Variants in ST8SIA6 observed in about 807,000 individuals in gnomAD.
ST8SIA6 encodes alpha-2,8-sialyltransferase 8F.
In ST8SIA6, 39 loss-of-function variants were observed where a neutral mutation model predicts 33.6. That is an observed-to-expected ratio of 1.16 (90% CI 0.90 to 1.52). ST8SIA6 has a LOEUF of 1.52. ST8SIA6 is among the 40% of genes most tolerant of loss of function. The pLI is 0.00. For missense variants in ST8SIA6, 441 were observed against 443.8 expected (o/e 0.99, Z 0.06); for synonymous variants, 172 against 167.2 (o/e 1.03, Z -0.22).
chr10:17,451,244 T>TA (rs1852899253), intron 2 of ST8SIA6, among the ~76,000 whole-genome samples: 2 of 151,972 alleles, frequency 1.3e-5, no homozygotes, highest in Admixed American at 6.6e-5. Flanking sequence ...AACTCAGCCA[T>TA]AAAAAAAGAA....
Position 17,331,539 on chromosome 10 carries a change from A to G in ST8SIA6, c.391T>C (p.Ser131Pro). ...AAGTTTTGAACAGCATCACAGCAGG[A>G]AGCAAGTTTGGCTCTGCAAAGGAAA... Reference protein sequence around the residue: ...EYANFRAKLASCCDAVQNFVV... With the variant: ...EYANFRAKLAPCCDAVQNFVV... The change falls in exon 5 of 8, where the codon TCC becomes CCC. Residue 131 changes from serine to proline, a missense_variant. By Grantham distance (74) the Ser-to-Pro change is moderately conservative. Coordinates refer to ENST00000377602, the MANE Select transcript of ST8SIA6 (RefSeq NM_001004470.3). The G allele has an allele frequency of 6.2e-7, 1 of 1,608,160 alleles. No homozygotes were observed. Among genetic ancestry groups the G allele is most frequent in the Non-Finnish European group, 8.5e-7 (1 of 1,178,424 alleles).
rs999145714 is a variant in ST8SIA6, at chr10:17,331,520, T to C, written c.410A>G (p.Gln137Arg). 1 of 1,612,672 alleles carries C rather than the reference T, an allele frequency of 6.2e-7. No homozygotes were observed. Among genetic ancestry groups the C allele is most frequent in the African/African-American group, 1.3e-5 (1 of 74,860 alleles). The change falls in exon 5 of 8, where the codon CAA (glutamine) becomes CGA (arginine). Residue 137 changes from glutamine (Q) to arginine (R), a missense_variant. Physicochemically the swap from Gln to Arg is conservative, Grantham distance 43. Coordinates refer to ENST00000377602, the MANE Select transcript of ST8SIA6 (RefSeq NM_001004470.3). ...GTTATTCTGAGAAACAACAAAGTTTTGAACAGCATCACAGCAGGAAGCAAG... is the reference window on the plus strand; with the variant it reads ...GTTATTCTGAGAAACAACAAAGTTTCGAACAGCATCACAGCAGGAAGCAAG... The part of the protein sequence containing the change: ...AKLASCCDAV[Q>R]NFVVSQNNTP...
chr10:17,343,611 G>T (rs765517348), intron 4 of ST8SIA6, among the ~76,000 whole-genome samples: 1 of 152,088 alleles, frequency 6.6e-6, no homozygotes, highest in African/African-American at 2.4e-5. Flanking sequence ...ATGGGCACAT[G>T]AAATAAAACA....
At chr10:17,367,348 T>C (rs1849587678) in intron 3 of ST8SIA6, among the ~76,000 whole-genome samples, 2 of 152,054 alleles carry the variant, frequency 1.3e-5, no homozygotes, top group South Asian at 4.1e-4. Context: ...TATAAAACCA[T>C]CAGATCTCTT....
chr10:17,327,205 T>TA, intron 5 of ST8SIA6, 79 bp from the exon 6 acceptor site: 1 of 1,039,456 alleles, frequency 9.6e-7, no homozygotes, highest in Non-Finnish European at 1.4e-6. Flanking sequence ...TCTAGTAACT[T>TA]AACTCTTTAT....
chr10:17,428,497 G>A (rs918951545), intron 2 of ST8SIA6, among the ~76,000 whole-genome samples: 1 of 152,062 alleles, frequency 6.6e-6, no homozygotes, highest in African/African-American at 2.4e-5. Context: ...AAAGTCAGTC[G>A]ACACTGGCGT....
intron 4 of ST8SIA6, among the ~76,000 whole-genome samples, chr10:17,345,277 A>G (rs1433727066): frequency 6.6e-6 from 1 of 151,996 alleles, no homozygotes; most frequent in African/African-American, 2.4e-5. Context: ...GGGACAATCC[A>G]CTCCCTAATC....
intron 4 of ST8SIA6, among the ~76,000 whole-genome samples, chr10:17,350,348 C>T (rs931790147): frequency 2.6e-5 from 4 of 151,940 alleles, no homozygotes; most frequent in African/African-American, 4.8e-5. Context: ...TGCTGACATA[C>T]TGTGATTTTA....
chr10:17,341,917 A>AC (rs1406270217), intron 4 of ST8SIA6, among the ~76,000 whole-genome samples: 2 of 150,918 alleles, frequency 1.3e-5, no homozygotes, highest in Admixed American at 6.6e-5. Flanking sequence ...AAAAAAAAAA[A>AC]AAAACAAAAA....
intron 2 of ST8SIA6, among the ~76,000 whole-genome samples, chr10:17,403,810 C>T (rs374127005): frequency 1.1e-4 from 17 of 151,908 alleles, no homozygotes; most frequent in East Asian, 9.7e-4. Flanking sequence ...TGCCTGTAAC[C>T]CCAGCACTTT....
intron 3 of ST8SIA6, among the ~76,000 whole-genome samples, chr10:17,374,070 A>ACC (rs1284755670): frequency 7.2e-5 from 6 of 83,348 alleles, no homozygotes; most frequent in African/African-American, 3.1e-4. Flanking sequence ...ATCAACAACC[A>ACC]CCACACACAC....
chr10:17,353,584 A>T (rs45484299), intron 4 of ST8SIA6, among the ~76,000 whole-genome samples: 3,075 of 152,332 alleles, frequency 0.02, 53 homozygotes, highest in Admixed American at 0.032. Context: ...CACAAGAAAG[A>T]CAAAGGAATA....
At chr10:17,425,558 C>A (rs1851906946) in intron 2 of ST8SIA6, among the ~76,000 whole-genome samples, 2 of 148,784 alleles carry the variant, frequency 1.3e-5, no homozygotes, top group Admixed American at 1.4e-4. Flanking sequence ...CAGAGTGGGA[C>A]CCTGTCAAAA....
chr10:17,376,212 C>T (rs1464955235), intron 3 of ST8SIA6, among the ~76,000 whole-genome samples: 1 of 152,166 alleles, frequency 6.6e-6, no homozygotes, highest in Admixed American at 6.5e-5. Context: ...TTAGTAGCTA[C>T]TCTTTGAGCA....
At chr10:17,403,153 T>G (rs1851113706) in intron 2 of ST8SIA6, among the ~76,000 whole-genome samples, 1 of 152,186 alleles carries the variant, frequency 6.6e-6, no homozygotes, top group Non-Finnish European at 1.5e-5. Flanking sequence ...TGGACCTGGC[T>G]CAGGCGTGAG....
At chr10:17,351,746 CA>C (rs1226808537) in intron 4 of ST8SIA6, among the ~76,000 whole-genome samples, 1 of 151,880 alleles carries the variant, frequency 6.6e-6, no homozygotes, top group East Asian at 1.9e-4. Context: ...CTGTCATTTG[CA>C]GACAACAAGA....
intron 6 of ST8SIA6, 151 bp downstream of exon 6, chr10:17,326,863 C>G: frequency 2.1e-6 from 1 of 486,432 alleles, no homozygotes; most frequent in Non-Finnish European, 3.5e-6. Flanking sequence ...TCATGAGCCA[C>G]ATAACACTTC....
chr10:17,384,856 T>C (rs1401645194), intron 3 of ST8SIA6, among the ~76,000 whole-genome samples: 1 of 152,172 alleles, frequency 6.6e-6, no homozygotes, highest in Non-Finnish European at 1.5e-5. Flanking sequence ...TGTTTGTAGC[T>C]TTTTCCCCCT....
At chr10:17,357,154 C>T (rs950159680) in intron 4 of ST8SIA6, among the ~76,000 whole-genome samples, 5 of 148,478 alleles carry the variant, frequency 3.4e-5, no homozygotes, top group Admixed American at 6.7e-5. Flanking sequence ...TCTTTTGAGA[C>T]GGAGTCTCTC....
Sources: gnomAD v4.1 joint callset for allele counts (sites outside exome capture counted in the v4.1 genomes callset) on GRCh38, gnomAD v4.1.1 for gene constraint, MANE v1.5 for transcripts, NCBI Gene and HGNC (gene_info 2026-07-23, HGNC 2026-07-21) for gene names.